The following SLIT2 variants were observed in gnomAD, a reference collection of about 807,000 sequenced individuals.
SLIT2 encodes slit guidance ligand 2.
A neutral mutation model predicts 185.7 loss-of-function variants in SLIT2; 41 were observed. The ratio of observed to expected loss-of-function variants is 0.22; its 90% CI spans 0.17 to 0.29. The LOEUF is 0.29. SLIT2 is among the 10% of genes least tolerant of loss of function. The pLI, the probability that SLIT2 is intolerant of heterozygous loss-of-function variation, is 1.00. For missense variants in SLIT2, 1,571 were observed against 1,909.0 expected (o/e 0.82, Z 3.30); for synonymous variants, 693 against 680.2 (o/e 1.02, Z -0.29).
chr4:20,283,132 A>G lies in SLIT2; in HGVS notation c.395+14251A>G, dbSNP rs566293756. Among the ~76,000 whole-genome samples, 103 of 152,228 alleles carry G rather than the reference A, an allele frequency of 6.8e-4. 1 individual carries two copies. The East Asian group carries it at 0.019, about 28-fold the overall frequency. On this transcript the variant is annotated intron_variant, in intron 4 of 36. Coordinates refer to ENST00000504154, the MANE Select transcript of SLIT2 (RefSeq NM_004787.4). ...TGTGTGCGCGCGCGCACACACACAC[A>G]CACACACACACAAAGTCATTCAACT...
At chr4:20,364,152 A>G (rs1722940785) in intron 4 of SLIT2, 1 of 442,530 alleles carries the variant, frequency 2.3e-6, no homozygotes, top group Non-Finnish European at 3.0e-6. Context: ...CAAATGATTT[A>G]TTCTGAAAAG....
intron 4 of SLIT2, among the ~76,000 whole-genome samples, chr4:20,391,465 C>G (rs1422498630): frequency 1.3e-5 from 2 of 151,980 alleles, no homozygotes; most frequent in African/African-American, 4.8e-5. Flanking sequence ...AAAGTACATT[C>G]TTTACAGAAG....
At chr4:20,544,660 T>G (rs909515489) in intron 21 of SLIT2, among the ~76,000 whole-genome samples, 3 of 152,238 alleles carry the variant, frequency 2.0e-5, no homozygotes, top group Non-Finnish European at 2.9e-5. Flanking sequence ...ATTTCATATG[T>G]GTATTACATT....
intron 4 of SLIT2, among the ~76,000 whole-genome samples, chr4:20,398,672 A>T (rs1726112681): frequency 6.6e-6 from 1 of 151,780 alleles, no homozygotes; most frequent in Non-Finnish European, 1.5e-5. Flanking sequence ...TACTAGTAGA[A>T]ATAAACATCC....
chr4:20,569,952 T>C (rs1381819864), intron 29 of SLIT2, among the ~76,000 whole-genome samples: 1 of 152,144 alleles, frequency 6.6e-6, no homozygotes, highest in Non-Finnish European at 1.5e-5. Context: ...TACATCTGTA[T>C]AATTAAATTT....
At chr4:20,276,305 C>A (rs1039825083) in intron 4 of SLIT2, among the ~76,000 whole-genome samples, 12 of 152,130 alleles carry the variant, frequency 7.9e-5, no homozygotes, top group African/African-American at 2.9e-4. Context: ...TTACATGTTA[C>A]CTATAACTGA....
At chr4:20,481,216 T>C (rs760816735) in intron 6 of SLIT2, among the ~76,000 whole-genome samples, 14 of 152,168 alleles carry the variant, frequency 9.2e-5, no homozygotes, top group Non-Finnish European at 1.5e-5. Flanking sequence ...ACATTATTTT[T>C]GTAAGAATAC....
intron 26 of SLIT2, among the ~76,000 whole-genome samples, chr4:20,555,583 A>G (rs1233633941): frequency 6.6e-6 from 1 of 152,046 alleles, no homozygotes. Flanking sequence ...TCAAAACACC[A>G]AAAAAAGGTG....
intron 4 of SLIT2, among the ~76,000 whole-genome samples, chr4:20,276,386 A>T (rs998813058): frequency 6.6e-6 from 1 of 152,108 alleles, no homozygotes; most frequent in Non-Finnish European, 1.5e-5. Context: ...GATATAAGAA[A>T]CCTTTGGATG....
chr4:20,283,105 C>CATGT (rs200289686), intron 4 of SLIT2, among the ~76,000 whole-genome samples: 3 of 135,962 alleles, frequency 2.2e-5, no homozygotes, highest in African/African-American at 8.4e-5. Flanking sequence ...TGCCTGTGTG[C>CATGT]CTGTGTGCGC....
At chr4:20,330,267 G>T (rs1384232047) in intron 4 of SLIT2, among the ~76,000 whole-genome samples, 1 of 152,018 alleles carries the variant, frequency 6.6e-6, no homozygotes, top group African/African-American at 2.4e-5. Context: ...GCTCAAATTA[G>T]AAGGTCCCAC....
intron 16 of SLIT2, among the ~76,000 whole-genome samples, 196 bp downstream of exon 16, chr4:20,529,295 G>A (rs573976700): frequency 2.6e-5 from 4 of 152,190 alleles, no homozygotes; most frequent in Admixed American, 6.5e-5. Context: ...CCAACCATAC[G>A]ATTAAGTACA....
chr4:20,363,166 G>A (rs1722870967), intron 4 of SLIT2, among the ~76,000 whole-genome samples: 1 of 152,004 alleles, frequency 6.6e-6, no homozygotes, highest in Non-Finnish European at 1.5e-5. Flanking sequence ...AAGTAATATA[G>A]ACTAAACAAT....
intron 4 of SLIT2, among the ~76,000 whole-genome samples, chr4:20,373,782 G>T (rs926432771): frequency 6.6e-6 from 1 of 152,004 alleles, no homozygotes; most frequent in African/African-American, 2.4e-5. Context: ...TACAATTCAA[G>T]AGCAATGATA....
At chr4:20,583,744 G>C (rs1032987973) in intron 29 of SLIT2, among the ~76,000 whole-genome samples, 3 of 151,968 alleles carry the variant, frequency 2.0e-5, no homozygotes, top group African/African-American at 7.3e-5. Flanking sequence ...AGGAGGCAGA[G>C]GTTGCAGTGA....
At chr4:20,302,975 T>G in intron 4 of SLIT2, among the ~76,000 whole-genome samples, 1 of 152,278 alleles carries the variant, frequency 6.6e-6, no homozygotes. Context: ...ACATTAAATC[T>G]TATCCCATTA....
In SLIT2 at chr4:20,616,935, A is replaced by T. The variant is rs1729701634; in HGVS notation, c.3873A>T (p.Ala1291=). The T allele has an allele frequency of 1.2e-6, 2 of 1,604,524 alleles. No homozygotes were observed. Among genetic ancestry groups the T allele is most frequent in the African/African-American group, 2.7e-5 (2 of 74,762 alleles). The change falls in exon 35 of 37, where the codon GCA becomes GCT. Residue 1291 remains alanine, a synonymous_variant. Coordinates refer to ENST00000504154, the MANE Select transcript of SLIT2 (RefSeq NM_004787.4). ...GCATGCCAGGGAAGAGTAACGTGGC[A>T]TCTCTGCGCCAGGCCCCTGGGCAGA... The part of the protein sequence containing the change: ...VGGMPGKSNV[A]SLRQAPGQNG...
chr4:20,411,156 A>C (rs1727229558), intron 4 of SLIT2, among the ~76,000 whole-genome samples: 3 of 152,026 alleles, frequency 2.0e-5, no homozygotes, highest in Admixed American at 2.0e-4. Context: ...AGTCCTAGGT[A>C]TTTTATTCTT....
At chr4:20,345,933 GACTAAT>G (rs1199733390) in intron 4 of SLIT2, among the ~76,000 whole-genome samples, 3 of 152,028 alleles carry the variant, frequency 2.0e-5, no homozygotes, top group Non-Finnish European at 4.4e-5. Flanking sequence ...GATATCTGTA[GACTAAT>G]TCTGCATTTG....
Sources: gnomAD v4.1 joint callset for allele counts (sites outside exome capture counted in the v4.1 genomes callset) on GRCh38, gnomAD v4.1.1 for gene constraint, MANE v1.5 for transcripts, NCBI Gene and HGNC (gene_info 2026-07-23, HGNC 2026-07-21) for gene names.